Variants in RAF1 observed in about 807,000 individuals in gnomAD.
The protein encoded by RAF1 is Raf-1 proto-oncogene, serine/threonine kinase, also known as RAF proto-oncogene serine/threonine-protein kinase.
RAF1 carries 27 observed loss-of-function variants against 81.1 expected under a neutral mutation model. The observed-to-expected ratio is 0.33, with a 90% CI of 0.25 to 0.46. RAF1 has a LOEUF of 0.46. Ranked by LOEUF, RAF1 falls within the 20% of genes least tolerant of loss-of-function variation. RAF1 has a pLI of 1.00. For missense variants in RAF1, 598 were observed against 826.0 expected, an observed-to-expected ratio of 0.72 and a Z score of 3.38; for synonymous variants, 298 against 294.0, an observed-to-expected ratio of 1.01 and a Z score of -0.14.
chr3:12,620,935 C>T (rs189286061), intron 1 of RAF1, among the ~76,000 whole-genome samples: 28 of 112,466 alleles, frequency 2.5e-4, no homozygotes, highest in Admixed American at 5.2e-4. Flanking sequence ...GAGTTCAGTT[C>T]ATTCAGAGTT....
chr3:12,590,331 T>C (rs1246718291), intron 13 of RAF1: 2 of 116,180 alleles, frequency 1.7e-5, no homozygotes, highest in African/African-American at 3.9e-5. Flanking sequence ...ACTTCTCTTT[T>C]TTTTTTTTTG....
chr3:12,614,190 T>G (rs9809501), intron 2 of RAF1, among the ~76,000 whole-genome samples: 17,735 of 152,224 alleles, frequency 0.12, 1,098 homozygotes, highest in African/African-American at 0.14. Flanking sequence ...CCAAGACTTT[T>G]GGCTCATATG....
chr3:12,626,095 A>C (rs2059693385), intron 1 of RAF1, among the ~76,000 whole-genome samples: 1 of 151,364 alleles, frequency 6.6e-6, no homozygotes, highest in Admixed American at 6.6e-5. Flanking sequence ...GTGAAACCCT[A>C]TTTCTACTAA....
intron 11 of RAF1, among the ~76,000 whole-genome samples, chr3:12,593,315 A>C (rs1382208412): frequency 6.6e-6 from 1 of 151,644 alleles, no homozygotes; most frequent in Non-Finnish European, 1.5e-5. Context: ...TCCTGACCTC[A>C]AATGATCTGC....
chr3:12,656,669 T>C (rs920581270), intron 1 of RAF1, among the ~76,000 whole-genome samples: 6 of 152,100 alleles, frequency 3.9e-5, no homozygotes, highest in African/African-American at 1.4e-4. Flanking sequence ...AAGACATGCC[T>C]CATTTTTAAA....
At position 12,663,936 on chromosome 3, in the gene RAF1, C is replaced by A. The variant is rs974128438; in HGVS notation, c.-150G>T. On this transcript the variant is annotated 5_prime_UTR_variant, in exon 1 of 18. Transcript: ENST00000442415. ...TTCGGCGCGTCCCCAGCCCAGGGGA[C>A]GGAGCCCCGAGCAGCCCCCGCATCG... 5.0e-6 allele frequency: 2 copies of A among 398,398 alleles called. No individual in the cohort carries two copies. The highest frequency in any genetic ancestry group is 4.4e-5 in the Admixed American group (1 of 22,740). 24.7% of individuals were successfully genotyped at this position (398,398 alleles called of 1,614,324 possible). A position where few individuals can be genotyped will look rare whatever the true frequency, so the allele number is the denominator to read the frequency against.
At chr3:12,615,594 T>C (rs1347309604) in intron 2 of RAF1, among the ~76,000 whole-genome samples, 2 of 152,186 alleles carry the variant, frequency 1.3e-5, no homozygotes, top group Non-Finnish European at 2.9e-5. Flanking sequence ...TGAAAGCAGC[T>C]AGTTCTTCCA....
chr3:12,647,295 CAAAAA>C (rs35322564), intron 1 of RAF1, among the ~76,000 whole-genome samples: 1 of 140,800 alleles, frequency 7.1e-6, no homozygotes, highest in African/African-American at 2.6e-5. Context: ...GACTCCATCT[CAAAAA>C]AAAAAAAAAA....
In RAF1 at chr3:12,599,627, C is replaced by CG. The variant is rs2058793833; in HGVS notation, c.1168+63_1168+64insC. The CG allele has an allele frequency of 3.9e-6, 5 of 1,289,002 alleles. No homozygotes were observed. In the Admixed American group the frequency reaches 8.4e-5, roughly 22 times the overall value. 79.8% of individuals were successfully genotyped at this position (1,289,002 alleles called of 1,614,324 possible). On this transcript the variant is annotated intron_variant, in intron 11 of 17. Transcript: ENST00000442415. ...TCAGTCCTCTCCTCCTCCTGGCCCC[C>CG]TGGGCTGAAACTTGACTTCACACCA...
intron 1 of RAF1, among the ~76,000 whole-genome samples, chr3:12,622,067 C>T (rs1434688836): frequency 6.6e-6 from 1 of 152,156 alleles, no homozygotes; most frequent in African/African-American, 2.4e-5. Flanking sequence ...TCGCTGCCTC[C>T]TGCCTCTAAA....
chr3:12,619,848 C>T (rs535440053), intron 1 of RAF1, among the ~76,000 whole-genome samples: 5 of 152,026 alleles, frequency 3.3e-5, no homozygotes, highest in African/African-American at 9.6e-5. Flanking sequence ...TTTGGGAGGC[C>T]GAGATGGGCG....
rs547552560 is a variant in RAF1 at position 12,597,526 on chromosome 3, C to G, written c.1168+2165G>C. 2.0e-5 allele frequency among the ~76,000 whole-genome samples: 3 copies of G among 152,336 alleles called. No individual in the cohort carries two copies. The South Asian group carries it at 6.2e-4, about 32-fold the overall frequency. On this transcript the variant is annotated intron_variant, in intron 11 of 17. Transcript: ENST00000442415. ...TCCATTGCTCTGCCTCCTACAACTA[C>G]TAGCAGCCTTGTTATCTCAGACACA... is the stretch of plus-strand genomic sequence containing the variant.
chr3:12,585,493 T>G (rs759357520), intron 15 of RAF1, 188 bp downstream of exon 14: 2 of 949,790 alleles, frequency 2.1e-6, no homozygotes, highest in East Asian at 2.3e-4. Flanking sequence ...CTCTCCACAC[T>G]AAGCTTCACA....
At chr3:12,597,436 T>C (rs1213033306) in intron 11 of RAF1, among the ~76,000 whole-genome samples, 1 of 152,222 alleles carries the variant, frequency 6.6e-6, no homozygotes, top group African/African-American at 2.4e-5. Context: ...CGCTGGCTTT[T>C]AGCTGGGGCT....
chr3:12,617,878 C>CAAAAAAAAAAAA (rs1263362287), intron 2 of RAF1, among the ~76,000 whole-genome samples: 2 of 90,080 alleles, frequency 2.2e-5, no homozygotes, highest in African/African-American at 5.0e-5. Flanking sequence ...GAATCCGTCT[C>CAAAAAAAAAAAA]AAAAAAAAAA....
intron 9 of RAF1, 52 bp downstream of exon 8, chr3:12,600,336 G>T: frequency 6.2e-7 from 1 of 1,613,906 alleles, no homozygotes; most frequent in Non-Finnish European, 8.5e-7. Flanking sequence ...AAGATACACC[G>T]CATAAAGAAA....
At chr3:12,663,158 C>G (rs752397958) in intron 1 of RAF1, among the ~76,000 whole-genome samples, 14 of 152,240 alleles carry the variant, frequency 9.2e-5, no homozygotes, top group Non-Finnish European at 1.6e-4. Context: ...GCCTCAGCAG[C>G]TGCAGAGCTG....
intron 2 of RAF1, among the ~76,000 whole-genome samples, chr3:12,613,472 C>T (rs1160322569): frequency 6.8e-6 from 1 of 147,352 alleles, no homozygotes; most frequent in Non-Finnish European, 1.5e-5. Context: ...ATATATCTAC[C>T]TATGTGGGTA....
At position 12,584,058 on chromosome 3, in the gene RAF1, C is replaced by T. The variant is rs2058233004; in HGVS notation, c.*456G>A. 2 of 290,940 alleles carry T rather than the reference C, an allele frequency of 6.9e-6. No individual in the cohort carries two copies. Among genetic ancestry groups the T allele is most frequent in the African/African-American group, 4.2e-5 (2 of 47,522 alleles). 18.0% of individuals were successfully genotyped at this position (290,940 alleles called of 1,614,324 possible). The stretch of plus-strand genomic sequence containing the variant: ...GTTTGGTGCCTTATGTGCAAAATGT[C>T]TGGCGCTGCACCACTCTCTGAAGAA... On this transcript the variant is annotated 3_prime_UTR_variant, in exon 18 of 18. Transcript: ENST00000442415.
Sources: allele counts gnomAD v4.1 joint callset (sites outside exome capture counted in the v4.1 genomes callset), GRCh38; gene constraint gnomAD v4.1.1; transcripts MANE v1.5; gene names NCBI Gene and HGNC (gene_info 2026-07-23, HGNC 2026-07-21).